EPCIP: variants seen among roughly 807,000 people sequenced by gnomAD.
The protein encoded by EPCIP is exosomal polycystin 1 interacting protein, also known as exosomal polycystin-1-interacting protein.
the EPCIP span, among the ~76,000 whole-genome samples, chr21:32,801,096 C>T: frequency 2.6e-5 from 4 of 152,024 alleles, no homozygotes; most frequent in East Asian, 1.9e-4. Flanking sequence ...ACGAAGGAAC[C>T]GACGGCCCTA....
At chr21:32,802,223 C>T in the EPCIP span, among the ~76,000 whole-genome samples, 2 of 152,138 alleles carry the variant, frequency 1.3e-5, no homozygotes, top group Admixed American at 6.6e-5. Flanking sequence ...TTTATAAAGG[C>T]CATTCACATA....
chr21:32,801,178 C>G, the EPCIP span, among the ~76,000 whole-genome samples: 1 of 152,260 alleles, frequency 6.6e-6, no homozygotes, highest in South Asian at 2.1e-4. Flanking sequence ...ACCCCTCTTC[C>G]CCCTTAATGG....
chr21:32,809,329 T>TTTCTTTCTTTCC, the EPCIP span, among the ~76,000 whole-genome samples: 4 of 144,850 alleles, frequency 2.8e-5, no homozygotes, highest in Non-Finnish European at 6.0e-5. Flanking sequence ...TCTTTCTTTC[T>TTTCTTTCTTTCC]TTCTTTCTTT....
the EPCIP span, among the ~76,000 whole-genome samples, chr21:32,808,802 G>A: frequency 3.9e-4 from 59 of 152,254 alleles, no homozygotes; most frequent in South Asian, 0.012. Context: ...CTCTATATAA[G>A]AACTCTCTAT....
chr21:32,794,255 A>G, the EPCIP span: 8 of 1,614,148 alleles, frequency 5.0e-6, no homozygotes, highest in Non-Finnish European at 5.1e-6. Flanking sequence ...CAGGTTGGCC[A>G]AACTGTAGTC....
chr21:32,810,697 A>C, the EPCIP span: 2 of 470,828 alleles, frequency 4.2e-6, no homozygotes, highest in African/African-American at 4.0e-5. Context: ...GTGAACTGAG[A>C]TACGTCTCTA....
At chr21:32,809,184 T>C in the EPCIP span, among the ~76,000 whole-genome samples, 6 of 106,758 alleles carry the variant, frequency 5.6e-5, no homozygotes, top group Admixed American at 8.6e-5. Context: ...GAGGGGTGCG[T>C]GTGTGTGTGT....
chr21:32,797,311 C>T, the EPCIP span: 1 of 229,262 alleles, frequency 4.4e-6, no homozygotes, highest in Non-Finnish European at 8.8e-6. Flanking sequence ...TTCAGTGGTG[C>T]AATCTCAGCT....
At chr21:32,792,100 C>T in the EPCIP span, among the ~76,000 whole-genome samples, 2 of 152,072 alleles carry the variant, frequency 1.3e-5, no homozygotes. Context: ...GACAGGGTTT[C>T]TCCATGTTGG....
chr21:32,792,005 A>G, the EPCIP span, among the ~76,000 whole-genome samples: 2 of 151,890 alleles, frequency 1.3e-5, no homozygotes, highest in Admixed American at 1.3e-4. Flanking sequence ...CCCAGGTTCA[A>G]GTGACTCTCC....
At chr21:32,812,150 A>G in the EPCIP span, among the ~76,000 whole-genome samples, 2 of 152,234 alleles carry the variant, frequency 1.3e-5, no homozygotes, top group African/African-American at 4.8e-5. Context: ...AGTCCTAACT[A>G]AAATATGTGG....
chr21:32,803,365 A>G, the EPCIP span, among the ~76,000 whole-genome samples: 7 of 152,180 alleles, frequency 4.6e-5, no homozygotes, highest in Non-Finnish European at 1.0e-4. Context: ...TGTGGGGTGG[A>G]GACCCACGCT....
chr21:32,813,293 G>A, the EPCIP span, among the ~76,000 whole-genome samples: 3 of 152,114 alleles, frequency 2.0e-5, no homozygotes, highest in Admixed American at 6.5e-5. Flanking sequence ...TATCTTTTTA[G>A]GGTTTAAATG....
the EPCIP span, among the ~76,000 whole-genome samples, chr21:32,808,857 G>C: frequency 6.6e-6 from 1 of 152,098 alleles, no homozygotes. Flanking sequence ...TGCAAAATAA[G>C]AATTTTATTT....
the EPCIP span, among the ~76,000 whole-genome samples, chr21:32,800,354 C>T: frequency 1.3e-5 from 2 of 152,212 alleles, no homozygotes; most frequent in African/African-American, 4.8e-5. Flanking sequence ...ATTTAGAACC[C>T]TCTGTCTTTA....
chr21:32,809,286 T>TTCTTTCTTTCTTTCTTTC, the EPCIP span, among the ~76,000 whole-genome samples: 4 of 111,570 alleles, frequency 3.6e-5, no homozygotes, highest in Non-Finnish European at 5.5e-5. Flanking sequence ...CTTCCTTTCT[T>TTCTTTCTTTCTTTCTTTC]TCTTTCTTTC....
the EPCIP span, among the ~76,000 whole-genome samples, chr21:32,796,006 TTCCTTCCC>T: frequency 3.6e-5 from 1 of 27,604 alleles, no homozygotes; most frequent in Admixed American, 3.9e-4. Flanking sequence ...CCTTCCCTCT[TTCCTTCCC>T]TCCTTCCCTC....
chr21:32,793,802 A>AACAAAACCTAC, the EPCIP span: 1 of 1,614,186 alleles, frequency 6.2e-7, no homozygotes, highest in South Asian at 1.1e-5. Context: ...GTTGCTTGGC[A>AACAAAACCTAC]TTGGGAAGGT....
chr21:32,802,834 T>C, the EPCIP span, among the ~76,000 whole-genome samples: 3 of 152,072 alleles, frequency 2.0e-5, 1 homozygote, highest in Non-Finnish European at 4.4e-5. Context: ...CAGGCTGGAG[T>C]GCAGTGGCGC....
Sources: gnomAD v4.1 joint callset for allele counts (sites outside exome capture counted in the v4.1 genomes callset) on GRCh38, gnomAD v4.1.1 for gene constraint, MANE v1.5 for transcripts, NCBI Gene and HGNC (gene_info 2026-07-23, HGNC 2026-07-21) for gene names.